The following QTMAN variants were observed in gnomAD, a reference collection of about 807,000 sequenced individuals.
QTMAN encodes the protein tRNA-queuosine alpha-mannosyltransferase.
chr2:144,237,367 T>C, the QTMAN span: 2 of 151,860 alleles, frequency 1.3e-5, no homozygotes, highest in Admixed American at 1.3e-4. Context: ...GAAGACAGAG[T>C]AGCTATTCTA....
chr2:144,130,539 T>C, the QTMAN span, among the ~76,000 whole-genome samples: 2 of 151,888 alleles, frequency 1.3e-5, no homozygotes, highest in Admixed American at 1.3e-4. Flanking sequence ...ATTAAAGACA[T>C]TACATATAGG....
the QTMAN span, among the ~76,000 whole-genome samples, chr2:143,960,987 T>C: frequency 6.6e-6 from 1 of 152,118 alleles, no homozygotes; most frequent in East Asian, 1.9e-4. Flanking sequence ...AGTTCTATCT[T>C]CTTTGGAATG....
At chr2:144,268,893 G>A in the QTMAN span, among the ~76,000 whole-genome samples, 2 of 151,966 alleles carry the variant, frequency 1.3e-5, no homozygotes, top group African/African-American at 2.4e-5. Flanking sequence ...AGGTTCAAGC[G>A]ATCCTTCTGC....
At chr2:144,186,210 T>C in the QTMAN span, among the ~76,000 whole-genome samples, 1 of 152,182 alleles carries the variant, frequency 6.6e-6, no homozygotes, top group East Asian at 1.9e-4. Flanking sequence ...CACACCTTAA[T>C]CCATCTATAG....
the QTMAN span, among the ~76,000 whole-genome samples, chr2:144,190,626 A>C: frequency 6.6e-6 from 1 of 152,208 alleles, no homozygotes; most frequent in Non-Finnish European, 1.5e-5. Flanking sequence ...TTATACAATA[A>C]GTCTCTAATA....
At chr2:144,098,831 C>G in the QTMAN span, among the ~76,000 whole-genome samples, 6 of 148,342 alleles carry the variant, frequency 4.0e-5, no homozygotes, top group East Asian at 1.2e-3. Context: ...GGAGAAATTA[C>G]AACCTATTTC....
chr2:144,162,330 G>A, the QTMAN span, among the ~76,000 whole-genome samples: 2 of 152,024 alleles, frequency 1.3e-5, no homozygotes, highest in Non-Finnish European at 2.9e-5. Flanking sequence ...AAAAAACCTA[G>A]GTCAAAAGAG....
chr2:144,204,843 G>C, the QTMAN span, among the ~76,000 whole-genome samples: 1 of 152,006 alleles, frequency 6.6e-6, no homozygotes, highest in Admixed American at 6.6e-5. Flanking sequence ...GTCCTTTGTA[G>C]GGACATGGAT....
the QTMAN span, among the ~76,000 whole-genome samples, chr2:144,290,190 C>A: frequency 6.6e-6 from 1 of 151,958 alleles, no homozygotes; most frequent in Non-Finnish European, 1.5e-5. Flanking sequence ...TGGCTGGGGG[C>A]TAAGGGGATG....
the QTMAN span, among the ~76,000 whole-genome samples, chr2:144,323,689 T>C: frequency 6.6e-6 from 1 of 152,152 alleles, no homozygotes; most frequent in Non-Finnish European, 1.5e-5. Context: ...CATCCCCAAA[T>C]CCACAGTGAA....
the QTMAN span, among the ~76,000 whole-genome samples, chr2:144,262,738 A>G: frequency 5.4e-5 from 1 of 18,616 alleles, no homozygotes; most frequent in Non-Finnish European, 9.6e-5. Flanking sequence ...AGGGGATGGG[A>G]GGAGAGGGGA....
At chr2:143,988,802 A>G in the QTMAN span, among the ~76,000 whole-genome samples, 1 of 152,196 alleles carries the variant, frequency 6.6e-6, no homozygotes, top group Admixed American at 6.5e-5. Flanking sequence ...ACCCCTTGTA[A>G]ATATGTGTTG....
the QTMAN span, among the ~76,000 whole-genome samples, chr2:144,221,465 A>G: frequency 6.6e-6 from 1 of 152,244 alleles, no homozygotes; most frequent in African/African-American, 2.4e-5. Flanking sequence ...ATAAAAACAT[A>G]TTATGAAATG....
At chr2:144,278,170 G>T in the QTMAN span, among the ~76,000 whole-genome samples, 5 of 152,180 alleles carry the variant, frequency 3.3e-5, no homozygotes, top group African/African-American at 1.2e-4. Context: ...TAAGACAGCT[G>T]AAAAGTGTGG....
chr2:143,975,547 A>G, the QTMAN span, among the ~76,000 whole-genome samples: 1 of 152,198 alleles, frequency 6.6e-6, no homozygotes. Context: ...GTGTTCATCA[A>G]TATCCACTCA....
chr2:144,272,944 C>G, the QTMAN span, among the ~76,000 whole-genome samples: 1 of 152,096 alleles, frequency 6.6e-6, no homozygotes, highest in East Asian at 1.9e-4. Context: ...ATGATCAATT[C>G]AAAGATCTGA....
the QTMAN span, among the ~76,000 whole-genome samples, chr2:144,282,891 T>C: frequency 6.6e-6 from 1 of 152,104 alleles, no homozygotes; most frequent in Non-Finnish European, 1.5e-5. Flanking sequence ...CATGCCTACC[T>C]GATGAAGCCT....
At chr2:144,206,115 T>C in the QTMAN span, among the ~76,000 whole-genome samples, 1 of 152,196 alleles carries the variant, frequency 6.6e-6, no homozygotes, top group Non-Finnish European at 1.5e-5. Context: ...AAGCTTATAA[T>C]AGCAACAATA....
chr2:144,215,127 A>G, the QTMAN span, among the ~76,000 whole-genome samples: 2 of 152,160 alleles, frequency 1.3e-5, no homozygotes, highest in South Asian at 2.1e-4. Flanking sequence ...CTATAATGCT[A>G]GCTTCTCCAG....
Sources: allele counts gnomAD v4.1 joint callset (sites outside exome capture counted in the v4.1 genomes callset), GRCh38; gene constraint gnomAD v4.1.1; transcripts MANE v1.5; gene names NCBI Gene and HGNC (gene_info 2026-07-23, HGNC 2026-07-21).